The following RIOK1 variants were observed in gnomAD, a reference collection of about 807,000 sequenced individuals.
The protein encoded by RIOK1 is RIO kinase 1.
In RIOK1, 66 loss-of-function variants were observed where a neutral mutation model predicts 73.5. The ratio of observed to expected loss-of-function variants is 0.90; its 90% CI spans 0.74 to 1.10. The LOEUF is 1.10. Among genes scored for constraint, RIOK1 ranks in the 50% least tolerant of loss-of-function variants. The pLI, the probability that RIOK1 is intolerant of heterozygous loss-of-function variation, is 0.00. For synonymous variants in RIOK1, 224 were observed against 226.8 expected, an observed-to-expected ratio of 0.99 and a Z score of 0.11; for missense variants, 658 against 699.8, an observed-to-expected ratio of 0.94 and a Z score of 0.67.
At chr6:7,413,956 A>G in intron 15 of RIOK1, among the ~76,000 whole-genome samples, 1 of 152,160 alleles carries the variant, frequency 6.6e-6, no homozygotes, top group Non-Finnish European at 1.5e-5. Context: ...AATGCTCCTG[A>G]TTAGCTGAAA....
intron 5 of RIOK1, among the ~76,000 whole-genome samples, chr6:7,399,306 C>T (rs1042667652): frequency 6.6e-6 from 1 of 152,142 alleles, no homozygotes; most frequent in African/African-American, 2.4e-5. Flanking sequence ...CCTCTGCCAC[C>T]TACCACTCCT....
At position 7,398,527 on chromosome 6, in the gene RIOK1, G is replaced by A. The variant is rs1581713449; in HGVS notation, c.438-171G>A. On this transcript the variant is annotated intron_variant, in intron 4 of 16. Transcript: ENST00000379834. ...CAGAATTGAATTTTGGTATTCAGGG[G>A]AAATGAAGAAAGTTTCACTGAGTAA... 3.3e-5 allele frequency among the ~76,000 whole-genome samples: 5 copies of A among 152,246 alleles called. No individual in the cohort carries two copies. In the South Asian group the frequency reaches 1.0e-3, roughly 32 times the overall value.
Position 7,414,269 on chromosome 6 carries a change from A to G in RIOK1, c.1475A>G (p.Glu492Gly). The change falls in exon 16 of 17, where the codon GAA (glutamate) becomes GGA (glycine). Residue 492 changes from glutamate to glycine, a missense_variant. Physicochemically the swap from Glu to Gly is moderately conservative, Grantham distance 98 (BLOSUM62 -2). Coordinates refer to ENST00000379834, the MANE Select transcript of RIOK1 (RefSeq NM_031480.3). ...GCACTCCTAGAAAATCAAGTGGAGG[A>G]AAGGACTTGTTCTGATTCAGAAGAT... is the stretch of plus-strand genomic sequence containing the variant. Reference protein sequence around the residue: ...VPALLENQVEERTCSDSEDIG... With the variant: ...VPALLENQVEGRTCSDSEDIG... 2.5e-6 allele frequency: 4 copies of G among 1,613,404 alleles called. No individual in the cohort carries two copies. The highest frequency in any genetic ancestry group is 3.4e-6 in the Non-Finnish European group (4 of 1,179,726).
chr6:7,389,952 A>C lies in RIOK1; in HGVS notation c.-51A>C, dbSNP rs976763312. 9.6e-6 allele frequency: 14 copies of C among 1,453,480 alleles called. No individual in the cohort carries two copies. Among genetic ancestry groups the C allele is most frequent in the Non-Finnish European group, 1.2e-5 (13 of 1,061,160 alleles). 90.0% of individuals were successfully genotyped at this position (1,453,480 alleles called of 1,614,324 possible). ...GATCGGCCGTGGGTACATCCGTCTG[A>C]GCCGTTCCTTTCCATCGCAGAGCGG... On this transcript the variant is annotated 5_prime_UTR_variant, in exon 1 of 17. It removes the in-frame stop codon of an upstream open reading frame in the 5' UTR. Coordinates refer to ENST00000379834, the MANE Select transcript of RIOK1 (RefSeq NM_031480.3).
intron 8 of RIOK1, among the ~76,000 whole-genome samples, 165 bp downstream of exon 8, chr6:7,403,062 A>G (rs548985564): frequency 5.9e-4 from 90 of 152,364 alleles, no homozygotes; most frequent in Non-Finnish European, 1.1e-3. Context: ...ATGTCTGGAC[A>G]AATAGAGATT....
In RIOK1 at chr6:7,412,880, G is replaced by A; in HGVS notation, c.1390-9G>A. 1 of 1,419,904 alleles carries A rather than the reference G, an allele frequency of 7.0e-7. No homozygotes were observed. The highest frequency in any genetic ancestry group is 9.5e-7 in the Non-Finnish European group (1 of 1,054,900). The allele number at this position is 1,419,904 out of a possible 1,614,324, so 88.0% of individuals were successfully genotyped here. On this transcript the variant is annotated splice_polypyrimidine_tract_variant and intron_variant, in intron 14 of 16. Transcript: ENST00000379834. ...ATCCTTATTTTTTTTTTTTCATTTT[G>A]GTTATAAGATTCTATACCAGACTGT... is the stretch of plus-strand genomic sequence containing the variant.
chr6:7,410,435 A>G lies in RIOK1; in HGVS notation c.1253A>G (p.Asp418Gly). Residue 418 changes from aspartate to glycine, a missense_variant, in exon 13 of 17, where the codon GAT (aspartate) becomes GGT (glycine). By Grantham distance (94) the Asp-to-Gly change is moderately conservative. Transcript: ENST00000379834. ...ACCAAGGAAGAACGGTCTAGCCAAGATCATGTGGATGAAGAGGTAGGATTT... is the reference window on the plus strand; with the variant it reads ...ACCAAGGAAGAACGGTCTAGCCAAGGTCATGTGGATGAAGAGGTAGGATTT... Reference protein sequence around the residue: ...QRTKEERSSQDHVDEEVFKRA... With the variant: ...QRTKEERSSQGHVDEEVFKRA... 1.2e-6 allele frequency: 2 copies of G among 1,610,986 alleles called. No individual in the cohort carries two copies. The highest frequency in any genetic ancestry group is 1.7e-6 in the Non-Finnish European group (2 of 1,177,448).
chr6:7,392,267 T>C (rs1250668113), intron 1 of RIOK1, among the ~76,000 whole-genome samples: 2 of 146,662 alleles, frequency 1.4e-5, no homozygotes, highest in East Asian at 4.0e-4. Flanking sequence ...AAAAAAGCCC[T>C]TACTGGTTGT....
At chr6:7,394,300 G>A (rs1187845541) in intron 2 of RIOK1, among the ~76,000 whole-genome samples, 2 of 152,180 alleles carry the variant, frequency 1.3e-5, no homozygotes, top group Admixed American at 1.3e-4. Flanking sequence ...CGGGCGTGGT[G>A]GTGGGTGCCT....
rs1029662303 is a variant in RIOK1, at chr6:7,389,999, A to T, written c.-4A>T. On this transcript the variant is annotated 5_prime_UTR_variant, in exon 1 of 17. Transcript: ENST00000379834. ...GCGGCGGCCTCCGGCGGCGCTCTCC[A>T]GTCATGGACTACCGGCGGCTTCTCA... is the stretch of plus-strand genomic sequence containing the variant. The T allele has an allele frequency of 7.1e-6, 11 of 1,551,390 alleles. No homozygotes were observed. In the African/African-American group the frequency reaches 1.5e-4, roughly 21 times the overall value.
In RIOK1 at chr6:7,404,016, TA is replaced by T. The variant is rs750533615; in HGVS notation, c.846del (p.Asp283MetfsTer8). On this transcript the variant is annotated frameshift_variant, in exon 9 of 17. Transcript: ENST00000379834. LOFTEE classifies it high-confidence loss of function. ...ATGTTCTTGTCATGAGTTTCATCGG[TA>T]AAGATGACATGTAAGTACATGGAAG... is the stretch of plus-strand genomic sequence containing the variant. Reference protein sequence around the residue: ...SHVLVMSFIGKDDMPAPLLKN... With the variant: ...SHVLVMSFIGXDDMPAPLLKN... The T allele has an allele frequency of 6.2e-7, 1 of 1,607,888 alleles. No individual in the cohort carries two copies. The highest frequency in any genetic ancestry group is 1.7e-5 in the Admixed American group (1 of 60,012).
rs1371888238 is a variant in RIOK1 at position 7,404,510 on chromosome 6, A to T, written c.947A>T (p.Gln316Leu). 1 of 1,614,156 alleles carries T rather than the reference A, an allele frequency of 6.2e-7. No individual in the cohort carries two copies. The highest frequency in any genetic ancestry group is 1.1e-5 in the South Asian group (1 of 91,074). The part of the protein sequence containing the change: ...QVIQYMRRMY[Q>L]DARLVHADLS... ...ATTCAGTACATGAGAAGAATGTATC[A>T]GGATGCCAGACTTGTCCATGCAGAT... Residue 316 changes from glutamine to leucine, a missense_variant, in exon 10 of 17, where the codon CAG (glutamine) becomes CTG (leucine). Transcript: ENST00000379834.
intron 1 of RIOK1, among the ~76,000 whole-genome samples, chr6:7,391,353 A>G (rs1418305786): frequency 6.6e-6 from 1 of 152,198 alleles, no homozygotes; most frequent in Non-Finnish European, 1.5e-5. Context: ...TTGGGTAAGT[A>G]GTACAAAGGA....
intron 1 of RIOK1, 44 bp from the exon 2 acceptor site, chr6:7,393,055 T>C (rs768148893): frequency 1.3e-6 from 2 of 1,541,536 alleles, no homozygotes; most frequent in East Asian, 2.2e-5. Flanking sequence ...AGTTAGGGTA[T>C]GTGGAAATAT....
Position 7,400,985 on chromosome 6 carries a change from T to G in RIOK1, c.508T>G (p.Leu170Val). 5 of 1,611,338 alleles carry G rather than the reference T, an allele frequency of 3.1e-6. No homozygotes were observed. The highest frequency in any genetic ancestry group is 4.2e-6 in the Non-Finnish European group (5 of 1,178,388). Residue 170 changes from leucine to valine, a missense_variant, in exon 6 of 17, where the codon TTA becomes GTA. By Grantham distance (32) the Leu-to-Val change is conservative. Transcript: ENST00000379834. ...GTTGGATCCCAGAACAAGAATGATT[T>G]TATTCAAGATGTTGACTAGAGGAAT... ...QVLDPRTRMI[L>V]FKMLTRGIIT...
At position 7,400,973 on chromosome 6, in the gene RIOK1, A is replaced by G; in HGVS notation, c.496A>G (p.Thr166Ala). Residue 166 changes from threonine (T) to alanine (A), a missense_variant, in exon 6 of 17, where the codon ACA (threonine) becomes GCA (alanine). By Grantham distance (58) the Thr-to-Ala change is moderately conservative. Coordinates refer to ENST00000379834, the MANE Select transcript of RIOK1 (RefSeq NM_031480.3). ...ATVEQVLDPR[T>A]RMILFKMLTR... Reference sequence around the variant, plus strand: ...TTCTTTTTAGGTGTTGGATCCCAGAACAAGAATGATTTTATTCAAGATGTT... The same window carrying G: ...TTCTTTTTAGGTGTTGGATCCCAGAGCAAGAATGATTTTATTCAAGATGTT... 1 of 1,609,118 alleles carries G rather than the reference A, an allele frequency of 6.2e-7. No individual in the cohort carries two copies. Among genetic ancestry groups the G allele is most frequent in the Non-Finnish European group, 8.5e-7 (1 of 1,177,086 alleles).
chr6:7,396,641 CA>C (rs1761481651), intron 3 of RIOK1, 61 bp from the exon 4 acceptor site: 4 of 945,828 alleles, frequency 4.2e-6, no homozygotes, highest in Admixed American at 2.1e-5. Flanking sequence ...CCCTGTTCAG[CA>C]ACTCTGTTAA....
chr6:7,410,709 A>G (rs1179413613), intron 13 of RIOK1, among the ~76,000 whole-genome samples: 1 of 152,236 alleles, frequency 6.6e-6, no homozygotes, highest in African/African-American at 2.4e-5. Flanking sequence ...GCCTGTTAGG[A>G]TATAGGCGTC....
chr6:7,404,388 G>T, intron 9 of RIOK1, 30 bp from the exon 10 acceptor site: 1 of 1,611,816 alleles, frequency 6.2e-7, no homozygotes, highest in Non-Finnish European at 8.5e-7. Context: ...CTTGTTCTTG[G>T]TCATTTTATC....
Sources: allele counts gnomAD v4.1 joint callset (sites outside exome capture counted in the v4.1 genomes callset), GRCh38; gene constraint gnomAD v4.1.1; transcripts MANE v1.5; gene names NCBI Gene and HGNC (gene_info 2026-07-23, HGNC 2026-07-21).